Variants in PLEKHG4B observed in about 807,000 individuals in gnomAD.
PLEKHG4B encodes the protein pleckstrin homology domain-containing family G member 4B.
Under a neutral mutation model 121.3 loss-of-function variants are expected in PLEKHG4B, and 111 were observed. That is an observed-to-expected ratio of 0.92 (90% CI 0.78 to 1.07). The LOEUF is 1.07. Ranked by LOEUF, PLEKHG4B falls within the 50% of genes least tolerant of loss-of-function variation. PLEKHG4B has a pLI of 0.00. For synonymous variants in PLEKHG4B, 738 were observed against 725.0 expected (o/e 1.02, Z -0.29); for missense variants, 1,831 against 1,757.8 (o/e 1.04, Z -0.74).
chr5:182,018 G>A lies in PLEKHG4B; in HGVS notation c.4579G>A (p.Gly1527Arg), dbSNP rs765288242. 3 of 1,613,726 alleles carry A rather than the reference G, an allele frequency of 1.9e-6. No individual in the cohort carries two copies. Among genetic ancestry groups the A allele is most frequent in the Admixed American group, 3.3e-5 (2 of 60,024 alleles). The stretch of plus-strand genomic sequence containing the variant: ...TCCCTTTCCAGAGTCACAAATGAGA[G>A]GGTCCACAGCGGTGTCCTCCTCTGA... ...IVKGTESQMR[G>R]STAVSSSDHA... The change falls in exon 20 of 20, where the codon GGG becomes AGG. Residue 1527 changes from glycine to arginine, a missense_variant. Coordinates refer to ENST00000637938, the MANE Select transcript of PLEKHG4B (RefSeq NM_052909.5).
intron 1 of PLEKHG4B, among the ~76,000 whole-genome samples, chr5:111,200 C>T (rs370732796): frequency 2.2e-4 from 34 of 152,390 alleles, no homozygotes; most frequent in Non-Finnish European, 3.1e-4. Flanking sequence ...CAGGAGCATT[C>T]GAAGGCTGCT....
At chr5:144,587 G>A (rs527823731) in intron 5 of PLEKHG4B, among the ~76,000 whole-genome samples, 3 of 152,194 alleles carry the variant, frequency 2.0e-5, no homozygotes, top group Non-Finnish European at 4.4e-5. Flanking sequence ...AGTAGCCCCA[G>A]CCCCATGTGC....
rs536166212 is a variant in PLEKHG4B, at chr5:113,477, C to G, written c.243+29C>G. On this transcript the variant is annotated intron_variant, in intron 2 of 19. Transcript: ENST00000637938. This position sits in a 1 kb window ranked among gnomAD's most constrained non-coding sequence, Gnocchi z 5.2. ...AGTACCTCCCTTGTAGCTCTGAGAC[C>G]GTGGCCAACCTGGAGGAACCTGCCC... The G allele has an allele frequency of 1.0e-5, 4 of 398,904 alleles. No homozygotes were observed. Among genetic ancestry groups the G allele is most frequent in the Non-Finnish European group, 1.8e-5 (4 of 226,096 alleles). The allele number at this position is 398,904 out of a possible 1,614,324, so 24.7% of individuals were successfully genotyped here. A position where few individuals can be genotyped will look rare whatever the true frequency, so the allele number is the denominator to read the frequency against.
intron 18 of PLEKHG4B, among the ~76,000 whole-genome samples, chr5:179,195 C>T (rs2126465544): frequency 6.6e-6 from 1 of 152,276 alleles, no homozygotes; most frequent in African/African-American, 2.4e-5. Context: ...TTGTAAAAGG[C>T]ATATGTTTGA....
rs776427473 is a variant in PLEKHG4B at position 182,168 on chromosome 5, C to G, written c.4729C>G (p.Pro1577Ala). The change falls in exon 20 of 20, where the codon CCG (proline) becomes GCG (alanine). Residue 1577 changes from proline (P) to alanine (A), a missense_variant. By Grantham distance (27) the Pro-to-Ala change is conservative. Transcript: ENST00000637938. ...GCTTGTGTCCTCCAGCCCAGCCCAC[C>G]CGGGCCTATGGAGCCCTGCCCACAG... ...GLLVSSSPAH[P>A]GLWSPAHSPW... is the part of the protein sequence containing the mutation. The G allele has an allele frequency of 4.3e-6, 7 of 1,613,892 alleles. No individual in the cohort carries two copies. Among genetic ancestry groups the G allele is most frequent in the Admixed American group, 1.7e-5 (1 of 60,008 alleles).
At chr5:92,551 G>A (rs527776081) in intron 1 of PLEKHG4B, among the ~76,000 whole-genome samples, 1 of 149,944 alleles carries the variant, frequency 6.7e-6, no homozygotes, top group Admixed American at 6.6e-5. Context: ...GGTGGGAGGG[G>A]GCGCGGGTAC....
chr5:110,695 G>A (rs979733832), intron 1 of PLEKHG4B, among the ~76,000 whole-genome samples: 7 of 143,150 alleles, frequency 4.9e-5, no homozygotes, highest in Admixed American at 1.4e-4. Context: ...TGCAGCACAC[G>A]TGCACACATA....
chr5:161,017 A>C (rs574689410), intron 11 of PLEKHG4B, among the ~76,000 whole-genome samples: 2 of 152,320 alleles, frequency 1.3e-5, no homozygotes, highest in East Asian at 3.9e-4. Context: ...TCATGGATCC[A>C]GGCAGCTGTT....
In PLEKHG4B at chr5:163,560, G is replaced by C; in HGVS notation, c.3476+12G>C. 4 of 1,559,384 alleles carry C rather than the reference G, an allele frequency of 2.6e-6. No homozygotes were observed. Among genetic ancestry groups the C allele is most frequent in the Non-Finnish European group, 2.6e-6 (3 of 1,152,818 alleles). The stretch of plus-strand genomic sequence containing the variant: ...CAGCAGGTGGGCAGGTGAGGTGGAC[G>C]TCCCCCTCCTCTCGTCCTAGCAGTC... On this transcript the variant is annotated intron_variant, in intron 13 of 19. Coordinates refer to ENST00000637938, the MANE Select transcript of PLEKHG4B (RefSeq NM_052909.5).
In PLEKHG4B at chr5:156,121, G is replaced by A; in HGVS notation, c.2259G>A (p.Leu753=). ...DQHETMMKLV[L]EDPLLVSLRL... ...ATGAGACGATGATGAAGCTTGTCCT[G>A]GAAGACCCACTGCTTGTGTCTCTCA... The change falls in exon 10 of 20, where the codon CTG becomes CTA. Residue 753 remains leucine, a synonymous_variant. Coordinates refer to ENST00000637938, the MANE Select transcript of PLEKHG4B (RefSeq NM_052909.5). This position sits in a 1 kb window ranked among gnomAD's most constrained non-coding sequence, Gnocchi z 4.4. 6.2e-7 allele frequency: 1 copy of A among 1,600,290 alleles called. No individual in the cohort carries two copies. Among genetic ancestry groups the A allele is most frequent in the African/African-American group, 1.4e-5 (1 of 73,186 alleles).
Position 156,304 on chromosome 5 carries a change from A to G in PLEKHG4B, c.2348+94A>G. On this transcript the variant is annotated intron_variant, in intron 10 of 19. Transcript: ENST00000637938. The surrounding 1 kb of genome is among the most constrained non-coding windows in gnomAD (Gnocchi z 4.4). The stretch of plus-strand genomic sequence containing the variant: ...GGAGGCGTAGCGCTCTGCTCCAAGG[A>G]GAGCCCCCTCTGTGCTTGGTCCAGA... 8.1e-7 allele frequency: 1 copy of G among 1,240,104 alleles called. No homozygotes were observed. Among genetic ancestry groups the G allele is most frequent in the East Asian group, 2.8e-5 (1 of 35,166 alleles). The allele number at this position is 1,240,104 out of a possible 1,614,324, so 76.8% of individuals were successfully genotyped here.
Position 163,045 on chromosome 5 carries a change from C to T in PLEKHG4B, c.2973C>T (p.Pro991=), listed in dbSNP as rs1248965955. 3.2e-6 allele frequency: 5 copies of T among 1,560,678 alleles called. No homozygotes were observed. In the African/African-American group the frequency reaches 6.8e-5, roughly 21 times the overall value. ...QEAMRRHQKP[P]SFPSTDSGGG... ...CCATGAGGAGGCACCAGAAGCCACC[C>T]TCATTCCCCAGCACGGACAGTGGGG... Residue 991 remains proline (P), a synonymous_variant, in exon 13 of 20, where the codon CCC becomes CCT. Coordinates refer to ENST00000637938, the MANE Select transcript of PLEKHG4B (RefSeq NM_052909.5).
chr5:130,416 C>T (rs1414568298), intron 2 of PLEKHG4B, among the ~76,000 whole-genome samples: 2 of 152,228 alleles, frequency 1.3e-5, no homozygotes, highest in Non-Finnish European at 2.9e-5. Flanking sequence ...AAATTGGTTT[C>T]ATACCACAGT....
rs1446287997 is a variant in PLEKHG4B at position 156,420 on chromosome 5, C to T, written c.2348+210C>T. 2.0e-5 allele frequency among the ~76,000 whole-genome samples: 3 copies of T among 151,370 alleles called. No individual in the cohort carries two copies. Among genetic ancestry groups the T allele is most frequent in the Admixed American group, 6.6e-5 (1 of 15,146 alleles). Reference sequence around the variant, plus strand: ...CAAGGAGCCAGCTTCTGGGGATGCTCGGCAGGAGGTGGTCAGAGTGCATCA... The same window carrying T: ...CAAGGAGCCAGCTTCTGGGGATGCTTGGCAGGAGGTGGTCAGAGTGCATCA... On this transcript the variant is annotated intron_variant, in intron 10 of 19. Coordinates refer to ENST00000637938, the MANE Select transcript of PLEKHG4B (RefSeq NM_052909.5). The surrounding 1 kb of genome is among the most constrained non-coding windows in gnomAD (Gnocchi z 4.4).
rs773264089 is a variant in PLEKHG4B at position 174,110 on chromosome 5, GGGGCCGCA to G, written c.4402+18_4402+25del. 32 of 1,559,514 alleles carry G rather than the reference GGGGCCGCA, an allele frequency of 2.1e-5. No individual in the cohort carries two copies. The African/African-American group carries it at 3.4e-4, about 17-fold the overall frequency. The stretch of plus-strand genomic sequence containing the variant: ...ACTAAAGAGCAGAGGTGGGAAGATG[GGGGCCGCA>G]GGGCCTGCCAGGCTCAGGGGCACAG... On this transcript the variant is annotated intron_variant, in intron 18 of 19. Coordinates refer to ENST00000637938, the MANE Select transcript of PLEKHG4B (RefSeq NM_052909.5).
chr5:187,574 G>C lies in PLEKHG4B; in HGVS notation c.*5251G>C, dbSNP rs939801732. On this transcript the variant is annotated 3_prime_UTR_variant, in exon 20 of 20. Transcript: ENST00000637938. The stretch of plus-strand genomic sequence containing the variant: ...ACCCCCAAGCCTCAGGCCTCAGGCT[G>C]GTTTTCTGACAGGCAAAATGCTCCT... 6.6e-6 allele frequency: 1 copy of C among 152,268 alleles called. No individual in the cohort carries two copies. Among genetic ancestry groups the C allele is most frequent in the Non-Finnish European group, 1.5e-5 (1 of 68,092 alleles). 9.4% of individuals were successfully genotyped at this position (152,268 alleles called of 1,614,324 possible).
chr5:171,583 C>G (rs1302151579), intron 16 of PLEKHG4B, 139 bp downstream of exon 16: 1 of 879,716 alleles, frequency 1.1e-6, no homozygotes, highest in Non-Finnish European at 1.7e-6. Context: ...CAAAGCACAG[C>G]CTTCTGAAGG....
At chr5:123,916 T>G (rs975557199) in intron 2 of PLEKHG4B, among the ~76,000 whole-genome samples, 40 of 152,140 alleles carry the variant, frequency 2.6e-4, no homozygotes, top group African/African-American at 9.4e-4. Context: ...TTTTTTCTTC[T>G]TTTTCTAGTT....
At chr5:177,812 C>A (rs1418862823) in intron 18 of PLEKHG4B, among the ~76,000 whole-genome samples, 2 of 152,186 alleles carry the variant, frequency 1.3e-5, no homozygotes, top group Non-Finnish European at 2.9e-5. Context: ...ACAGTGCGCA[C>A]CTTTCCCTTG....
Sources: allele counts gnomAD v4.1 joint callset (sites outside exome capture counted in the v4.1 genomes callset), GRCh38; gene constraint gnomAD v4.1.1; non-coding constraint Gnocchi (gnomAD v3.1); transcripts MANE v1.5; gene names NCBI Gene and HGNC (gene_info 2026-07-23, HGNC 2026-07-21).